Variants in OR2T12 observed in about 807,000 individuals in gnomAD.
OR2T12 encodes olfactory receptor family 2 subfamily T member 12, also known as olfactory receptor 2T12.
For missense variants in OR2T12, 335 were observed against 404.3 expected (o/e 0.83, Z 1.47); for synonymous variants, 127 against 160.5 (o/e 0.79, Z 1.58).
rs529913426 is a variant in OR2T12, at chr1:248,299,642, C to G, written c.-9+1731G>C. On this transcript the variant is annotated intron_variant, in intron 2 of 2. Transcript: ENST00000641276. ...ACAGATCAACGAGACAGAAATTTAACAAGGATACCCAGGAATTGAACTCAG... is the reference window on the plus strand; with the variant it reads ...ACAGATCAACGAGACAGAAATTTAAGAAGGATACCCAGGAATTGAACTCAG... 2.6e-5 allele frequency among the ~76,000 whole-genome samples: 4 copies of G among 152,278 alleles called. No individual in the cohort carries two copies. In the East Asian group the frequency reaches 7.7e-4, roughly 29 times the overall value.
chr1:248,297,566 T>A (rs1048623569), intron 2 of OR2T12, among the ~76,000 whole-genome samples: 8 of 152,246 alleles, frequency 5.3e-5, no homozygotes, highest in African/African-American at 1.9e-4. Context: ...AAGAGGTCCT[T>A]CACGTCCCTT....
intron 2 of OR2T12, among the ~76,000 whole-genome samples, chr1:248,299,464 T>A (rs1473625770): frequency 6.6e-6 from 1 of 151,920 alleles, no homozygotes; most frequent in Non-Finnish European, 1.5e-5. Flanking sequence ...GGTAAAGGGA[T>A]GAATTCAACA....
At chr1:248,295,932 A>C (rs1402848459) in intron 2 of OR2T12, among the ~76,000 whole-genome samples, 3 of 152,136 alleles carry the variant, frequency 2.0e-5, no homozygotes, top group Admixed American at 1.3e-4. Context: ...TATACATGTG[A>C]CATGCTGGTG....
intron 2 of OR2T12, among the ~76,000 whole-genome samples, chr1:248,297,676 C>G (rs1177205484): frequency 1.3e-5 from 2 of 151,620 alleles, no homozygotes; most frequent in Non-Finnish European, 2.9e-5. Flanking sequence ...TATAAGAATG[C>G]TTGTGATTTT....
intron 2 of OR2T12, among the ~76,000 whole-genome samples, chr1:248,300,763 A>T (rs950021530): frequency 1.3e-5 from 2 of 152,062 alleles, no homozygotes; most frequent in African/African-American, 4.8e-5. Context: ...ATTTGTCTTT[A>T]AGTGAGTCTT....
Position 248,292,680 on chromosome 1 carries a change from C to T in OR2T12, c.*1936G>A, listed in dbSNP as rs1659648728. 6.6e-6 allele frequency: 1 copy of T among 152,000 alleles called. No individual in the cohort carries two copies. Among genetic ancestry groups the T allele is most frequent in the Non-Finnish European group, 1.5e-5 (1 of 67,926 alleles). The allele number at this position is 152,000 out of a possible 1,614,324, so 9.4% of individuals were successfully genotyped here. A position where few individuals can be genotyped will look rare whatever the true frequency, so the allele number is the denominator to read the frequency against. ...AGTCTGAAATACCACTTCTTTGAAA[C>T]ATGTCTATTTTTATACATATTTTGT... is the stretch of plus-strand genomic sequence containing the variant. On this transcript the variant is annotated 3_prime_UTR_variant, in exon 3 of 3. Coordinates refer to ENST00000641276, the MANE Select transcript of OR2T12 (RefSeq NM_001004692.2).
At chr1:248,297,940 G>T (rs893846688) in intron 2 of OR2T12, among the ~76,000 whole-genome samples, 14 of 150,472 alleles carry the variant, frequency 9.3e-5, no homozygotes, top group South Asian at 4.2e-4. Flanking sequence ...GTTTTCAAAG[G>T]GAATGCTTCC....
chr1:248,297,697 T>G, intron 2 of OR2T12, among the ~76,000 whole-genome samples: 1 of 151,082 alleles, frequency 6.6e-6, no homozygotes, highest in Non-Finnish European at 1.5e-5. Context: ...TGTACATTGA[T>G]TTTGTATCCT....
chr1:248,301,001 A>G (rs1007200947), intron 2 of OR2T12, among the ~76,000 whole-genome samples: 3 of 152,124 alleles, frequency 2.0e-5, no homozygotes, highest in African/African-American at 4.8e-5. Flanking sequence ...ACAAATGTAA[A>G]TCTACATATC....
chr1:248,296,564 A>G (rs542402300), intron 2 of OR2T12, among the ~76,000 whole-genome samples: 220 of 151,970 alleles, frequency 1.4e-3, no homozygotes, highest in African/African-American at 4.9e-3. Flanking sequence ...GTGTGAGATG[A>G]TATCTCATTG....
rs771143175 is a variant in OR2T12, at chr1:248,295,214, GCATAGCGGT to G, written c.356_364del (p.Asp119_Tyr121del). On this transcript the variant is annotated inframe_deletion, in exon 3 of 3. Coordinates refer to ENST00000641276, the MANE Select transcript of OR2T12 (RefSeq NM_001004692.2). ...ATATCGGAGTGGGTGGCAGACAGCC[GCATAGCGGT>G]CATAGGCCATGGCTGCTAAGAGGAA... The G allele has an allele frequency of 6.2e-7, 1 of 1,609,466 alleles. No homozygotes were observed. Among genetic ancestry groups the G allele is most frequent in the East Asian group, 2.2e-5 (1 of 44,842 alleles).
rs571284701 is a variant in OR2T12, at chr1:248,294,473, C to T, written c.*143G>A. On this transcript the variant is annotated 3_prime_UTR_variant, in exon 3 of 3. Coordinates refer to ENST00000641276, the MANE Select transcript of OR2T12 (RefSeq NM_001004692.2). ...TGCTCAAAAATGGTATCTGTCAATACAATTGGCTCACTTCATTCTTAAAAA... is the reference window on the plus strand; with the variant it reads ...TGCTCAAAAATGGTATCTGTCAATATAATTGGCTCACTTCATTCTTAAAAA... The T allele has an allele frequency of 9.1e-6, 10 of 1,102,252 alleles. No individual in the cohort carries two copies. In the Admixed American group the frequency reaches 1.4e-4, roughly 16 times the overall value. The allele number at this position is 1,102,252 out of a possible 1,614,324, so 68.3% of individuals were successfully genotyped here.
intron 2 of OR2T12, among the ~76,000 whole-genome samples, chr1:248,299,119 T>G (rs1262651885): frequency 6.6e-6 from 1 of 152,148 alleles, no homozygotes; most frequent in African/African-American, 2.4e-5. Flanking sequence ...AGGAGGAAAC[T>G]GCATCAACTA....
At chr1:248,301,228 C>T (rs1257466387) in intron 2 of OR2T12, 145 bp downstream of exon 2, 1 of 152,028 alleles carries the variant, frequency 6.6e-6, no homozygotes, top group African/African-American at 2.4e-5. Context: ...AAATACTGAG[C>T]ACTAGATTGC....
intron 1 of OR2T12, among the ~76,000 whole-genome samples, chr1:248,302,971 T>C (rs558068181): frequency 1.3e-5 from 2 of 152,146 alleles, no homozygotes; most frequent in Non-Finnish European, 2.9e-5. Flanking sequence ...TCATCCTGCA[T>C]GAGCTACAAT....
At chr1:248,299,957 G>A (rs1659791522) in intron 2 of OR2T12, among the ~76,000 whole-genome samples, 1 of 152,054 alleles carries the variant, frequency 6.6e-6, no homozygotes, top group Non-Finnish European at 1.5e-5. Flanking sequence ...ACGAAATGAA[G>A]GCAGAAATAA....
intron 2 of OR2T12, among the ~76,000 whole-genome samples, chr1:248,299,913 A>G (rs914009392): frequency 1.3e-5 from 2 of 152,170 alleles, no homozygotes; most frequent in Non-Finnish European, 2.9e-5. Context: ...ATGGAAACTG[A>G]ACAACCTGCT....
intron 2 of OR2T12, among the ~76,000 whole-genome samples, chr1:248,300,997 G>A (rs1051193271): frequency 6.6e-6 from 1 of 152,080 alleles, no homozygotes; most frequent in Non-Finnish European, 1.5e-5. Context: ...GATTACAAAT[G>A]TAAATCTACA....
chr1:248,296,727 T>G (rs144081106), intron 2 of OR2T12, among the ~76,000 whole-genome samples: 1,572 of 152,284 alleles, frequency 0.01, 23 homozygotes, highest in African/African-American at 0.036. Flanking sequence ...TAAATTTGTT[T>G]GAGTTCATTG....
Sources: allele counts gnomAD v4.1 joint callset (sites outside exome capture counted in the v4.1 genomes callset), GRCh38; gene constraint gnomAD v4.1.1; transcripts MANE v1.5; gene names NCBI Gene and HGNC (gene_info 2026-07-23, HGNC 2026-07-21).